FAM184B: variants seen among roughly 807,000 people sequenced by gnomAD.
FAM184B encodes family with sequence similarity 184 member B.
In FAM184B, 111 loss-of-function variants were observed where a neutral mutation model predicts 135.9. That is an observed-to-expected ratio of 0.82 (90% CI 0.70 to 0.96). The LOEUF is 0.96. Ranked by LOEUF, FAM184B falls within the 40% of genes least tolerant of loss-of-function variation. FAM184B has a pLI of 0.00. For synonymous variants in FAM184B, 552 were observed against 524.8 expected (o/e 1.05, Z -0.71); for missense variants, 1,375 against 1,323.9 (o/e 1.04, Z -0.60).
intron 1 of FAM184B, among the ~76,000 whole-genome samples, chr4:17,721,631 G>A (rs938423951): frequency 3.3e-5 from 5 of 152,174 alleles, no homozygotes; most frequent in Middle Eastern, 6.8e-3. Flanking sequence ...GAAGAGGAGC[G>A]CACCATGACA....
intron 1 of FAM184B, among the ~76,000 whole-genome samples, chr4:17,765,443 C>G (rs1240550689): frequency 2.6e-5 from 4 of 152,058 alleles, no homozygotes; most frequent in Non-Finnish European, 5.9e-5. Flanking sequence ...TATATAATGA[C>G]AAACTGGGAT....
chr4:17,781,495 TTCC>T lies in FAM184B; in HGVS notation c.-199_-197del, dbSNP rs1577301110. 1.7e-6 allele frequency: 1 copy of T among 590,214 alleles called. No individual in the cohort carries two copies. Among genetic ancestry groups the T allele is most frequent in the East Asian group, 3.6e-5 (1 of 27,458 alleles). The allele number at this position is 590,214 out of a possible 1,614,324, so 36.6% of individuals were successfully genotyped here. On this transcript the variant is annotated 5_prime_UTR_variant, in exon 1 of 18. Coordinates refer to ENST00000265018, the MANE Select transcript of FAM184B (RefSeq NM_015688.2). The surrounding 1 kb of genome is among the most constrained non-coding windows in gnomAD (Gnocchi z 6.5). ...GGGCCCACCCGCGCGCCCACCCTTT[TTCC>T]TCTCCTGCTGGTTCTCTGGCTGGCT...
intron 1 of FAM184B, among the ~76,000 whole-genome samples, chr4:17,718,453 T>C (rs1717444886): frequency 6.6e-6 from 1 of 152,182 alleles, no homozygotes. Flanking sequence ...GACCATTCTG[T>C]TGAGGGGCTT....
chr4:17,730,462 G>T lies in FAM184B; in HGVS notation c.142-20818C>A, dbSNP rs1451250014. On this transcript the variant is annotated intron_variant, in intron 1 of 17. Coordinates refer to ENST00000265018, the MANE Select transcript of FAM184B (RefSeq NM_015688.2). ...AAGAGCAACTCCAAGACACATAATT[G>T]TCAGATTCACCAAAGTTGAAATGAA... is the stretch of plus-strand genomic sequence containing the variant. 2.6e-5 allele frequency among the ~76,000 whole-genome samples: 4 copies of T among 152,258 alleles called. No homozygotes were observed. The East Asian group carries it at 7.7e-4, about 29-fold the overall frequency.
In FAM184B at chr4:17,713,133, A is replaced by G. The variant is rs1438969426; in HGVS notation, c.142-3489T>C. Among the ~76,000 whole-genome samples the G allele has an allele frequency of 8.5e-5, 13 of 152,070 alleles. 1 individual carries two copies. The highest frequency in any genetic ancestry group is 7.9e-4 in the Admixed American group (12 of 15,274). ...AGAAGCTTGGTCTTCCTTGTTCATT[A>G]CTCTCCATCCCCAGTGCCTGGCTCA... On this transcript the variant is annotated intron_variant, in intron 1 of 17. Transcript: ENST00000265018.
Position 17,781,424 on chromosome 4 carries a change from C to T in FAM184B, c.-125G>A. 1 of 1,180,676 alleles carries T rather than the reference C, an allele frequency of 8.5e-7. No individual in the cohort carries two copies. Among genetic ancestry groups the T allele is most frequent in the Non-Finnish European group, 1.1e-6 (1 of 904,786 alleles). The allele number at this position is 1,180,676 out of a possible 1,614,324, so 73.1% of individuals were successfully genotyped here. A position where few individuals can be genotyped will look rare whatever the true frequency, so the allele number is the denominator to read the frequency against. On this transcript the variant is annotated 5_prime_UTR_variant, in exon 1 of 18. Coordinates refer to ENST00000265018, the MANE Select transcript of FAM184B (RefSeq NM_015688.2). The surrounding 1 kb of genome is among the most constrained non-coding windows in gnomAD (Gnocchi z 6.5). The stretch of plus-strand genomic sequence containing the variant: ...GAGAGGTGGCACTGCAGTCCCGTCG[C>T]CTGCACCGCCGCGTGGCCCCAGCTT...
chr4:17,748,767 TTGGCCTCCCAAAGTGC>T (rs898695477), intron 1 of FAM184B, among the ~76,000 whole-genome samples: 1 of 152,082 alleles, frequency 6.6e-6, no homozygotes, highest in African/African-American at 2.4e-5. Flanking sequence ...TCCTTCTGCC[TTGGCCTCCCAAAGTGC>T]TGGGATTACA....
chr4:17,638,367 A>AT (rs1715211395), intron 14 of FAM184B, among the ~76,000 whole-genome samples: 1 of 146,342 alleles, frequency 6.8e-6, no homozygotes, highest in Non-Finnish European at 1.5e-5. Context: ...TTTTTTTTGT[A>AT]TTTTTTGTAG....
intron 10 of FAM184B, among the ~76,000 whole-genome samples, chr4:17,655,000 C>T (rs755768081): frequency 4.6e-5 from 7 of 152,148 alleles, no homozygotes; most frequent in Non-Finnish European, 8.8e-5. Flanking sequence ...CACAGATGCT[C>T]ACTACTCCAC....
intron 3 of FAM184B, among the ~76,000 whole-genome samples, chr4:17,706,960 G>A (rs565801068): frequency 6.6e-6 from 1 of 152,010 alleles, no homozygotes; most frequent in African/African-American, 2.4e-5. Context: ...TAATTTTCTT[G>A]TATTTTTAGT....
At chr4:17,736,395 T>C (rs1717909976) in intron 1 of FAM184B, among the ~76,000 whole-genome samples, 1 of 152,166 alleles carries the variant, frequency 6.6e-6, no homozygotes, top group Admixed American at 6.5e-5. Context: ...TAAGTAAAAA[T>C]GAATTTGAAT....
At chr4:17,731,177 C>A (rs1038202958) in intron 1 of FAM184B, among the ~76,000 whole-genome samples, 7 of 152,022 alleles carry the variant, frequency 4.6e-5, no homozygotes, top group African/African-American at 1.7e-4. Context: ...CTGAAGGAAG[C>A]ACTAAACATG....
chr4:17,695,149 G>A (rs1161631374), intron 5 of FAM184B, among the ~76,000 whole-genome samples: 1 of 23,878 alleles, frequency 4.2e-5, no homozygotes, highest in East Asian at 0.016. Flanking sequence ...GCTGGCTACT[G>A]TTTTTCTTTG....
intron 1 of FAM184B, among the ~76,000 whole-genome samples, chr4:17,740,766 G>A (rs919241426): frequency 6.0e-4 from 92 of 152,256 alleles, no homozygotes; most frequent in African/African-American, 2.2e-3. Flanking sequence ...CAACCTCCAG[G>A]CCCCCAAGTG....
chr4:17,770,881 C>T (rs1718806474), intron 1 of FAM184B, among the ~76,000 whole-genome samples: 2 of 152,212 alleles, frequency 1.3e-5, no homozygotes, highest in African/African-American at 4.8e-5. Context: ...GTGTACAATT[C>T]AATGGCTTTC....
At chr4:17,632,762 T>C in intron 17 of FAM184B, 137 bp from the exon 18 acceptor site, 1 of 590,928 alleles carries the variant, frequency 1.7e-6, no homozygotes, top group Non-Finnish European at 3.0e-6. Flanking sequence ...CCAACATTAG[T>C]AGTGGGAAAC....
intron 1 of FAM184B, among the ~76,000 whole-genome samples, chr4:17,747,748 C>T (rs1156968080): frequency 6.6e-6 from 1 of 151,606 alleles, no homozygotes; most frequent in Non-Finnish European, 1.5e-5. Context: ...GATGAAACCC[C>T]GTCTCTACTA....
intron 12 of FAM184B, among the ~76,000 whole-genome samples, chr4:17,645,696 G>A (rs1180821982): frequency 6.6e-6 from 1 of 151,944 alleles, no homozygotes; most frequent in East Asian, 1.9e-4. Flanking sequence ...AACACCAAAA[G>A]CAATGGCAAC....
chr4:17,748,582 T>C (rs1159796461), intron 1 of FAM184B, among the ~76,000 whole-genome samples: 2 of 147,474 alleles, frequency 1.4e-5, no homozygotes, highest in Non-Finnish European at 3.0e-5. Context: ...GTAGTGGTGA[T>C]CTCGGCCCAC....
Sources: gnomAD v4.1 joint callset for allele counts (sites outside exome capture counted in the v4.1 genomes callset) on GRCh38, gnomAD v4.1.1 for gene constraint, Gnocchi (gnomAD v3.1) non-coding constraint, MANE v1.5 for transcripts, NCBI Gene and HGNC (gene_info 2026-07-23, HGNC 2026-07-21) for gene names.